The following NPAS3 variants were observed in gnomAD, a reference collection of about 807,000 sequenced individuals.
NPAS3 encodes neuronal PAS domain-containing protein 3.
A neutral mutation model predicts 73.1 loss-of-function variants in NPAS3; 14 were observed. That is an observed-to-expected ratio of 0.19 (90% CI 0.13 to 0.30). The LOEUF (loss-of-function observed/expected upper bound fraction) is 0.30. Among genes scored for constraint, NPAS3 ranks in the 10% least tolerant of loss-of-function variants. The pLI is 1.00. For synonymous variants in NPAS3, 620 were observed against 541.5 expected, an observed-to-expected ratio of 1.14 and a Z score of -2.01; for missense variants, 1,096 against 1,250.0, an observed-to-expected ratio of 0.88 and a Z score of 1.86.
chr14:33,534,229 A>C, intron 4 of NPAS3, among the ~76,000 whole-genome samples: 1 of 152,076 alleles, frequency 6.6e-6, no homozygotes, highest in Non-Finnish European at 1.5e-5. Flanking sequence ...AAAAAAAAAA[A>C]AAAAAACTCC....
intron 4 of NPAS3, among the ~76,000 whole-genome samples, chr14:33,438,237 T>C (rs2049077141): frequency 6.6e-6 from 1 of 152,224 alleles, no homozygotes; most frequent in Non-Finnish European, 1.5e-5. Context: ...ATAGAAAAGA[T>C]GACATGCATT....
At chr14:33,001,104 TTG>T (rs1212449816) in intron 1 of NPAS3, among the ~76,000 whole-genome samples, 2 of 152,100 alleles carry the variant, frequency 1.3e-5, no homozygotes, top group Non-Finnish European at 2.9e-5. Context: ...ATGGGAATCT[TTG>T]TGTGTGTGTG....
At chr14:32,991,211 G>C (rs2038320711) in intron 1 of NPAS3, among the ~76,000 whole-genome samples, 1 of 151,548 alleles carries the variant, frequency 6.6e-6, no homozygotes, top group South Asian at 2.1e-4. Flanking sequence ...CCTGCTTTAT[G>C]TTCTTGATGG....
intron 5 of NPAS3, among the ~76,000 whole-genome samples, chr14:33,575,303 G>C (rs754578019): frequency 6.6e-6 from 1 of 152,098 alleles, no homozygotes; most frequent in Non-Finnish European, 1.5e-5. Flanking sequence ...CGTATTCATT[G>C]TTCCTATTTT....
chr14:33,535,660 GA>G (rs565232217), intron 4 of NPAS3, among the ~76,000 whole-genome samples: 4 of 152,052 alleles, frequency 2.6e-5, no homozygotes, highest in Non-Finnish European at 4.4e-5. Flanking sequence ...GATTATGGAT[GA>G]TTTTTTTATA....
At chr14:33,066,200 T>C (rs189902275) in intron 2 of NPAS3, among the ~76,000 whole-genome samples, 10 of 152,226 alleles carry the variant, frequency 6.6e-5, no homozygotes, top group Admixed American at 4.6e-4. Flanking sequence ...CATCAGGTGT[T>C]CTAAGTCTTG....
At chr14:33,310,653 G>A (rs1433933424) in intron 3 of NPAS3, among the ~76,000 whole-genome samples, 1 of 152,124 alleles carries the variant, frequency 6.6e-6, no homozygotes, top group Non-Finnish European at 1.5e-5. Flanking sequence ...GTCACACAAT[G>A]CCTCACATAG....
chr14:33,713,936 C>T (rs904846123), intron 6 of NPAS3, among the ~76,000 whole-genome samples: 2 of 152,118 alleles, frequency 1.3e-5, no homozygotes, highest in Admixed American at 6.5e-5. Context: ...CATGATGTTC[C>T]TACCTCTGGA....
chr14:32,978,887 A>G (rs1253393893), intron 1 of NPAS3, among the ~76,000 whole-genome samples: 2 of 152,162 alleles, frequency 1.3e-5, no homozygotes, highest in Non-Finnish European at 2.9e-5. Context: ...CTCTAAGGTG[A>G]CACCCTTTGA....
intron 3 of NPAS3, among the ~76,000 whole-genome samples, chr14:33,338,927 C>T (rs1291499268): frequency 6.6e-6 from 1 of 152,126 alleles, no homozygotes; most frequent in East Asian, 1.9e-4. Context: ...GAAGCTCATA[C>T]ATCTTCTCTT....
At chr14:33,414,720 G>A (rs1486595350) in intron 4 of NPAS3, among the ~76,000 whole-genome samples, 2 of 152,030 alleles carry the variant, frequency 1.3e-5, no homozygotes, top group African/African-American at 4.8e-5. Context: ...TCTCAGTTAG[G>A]GCCACTTAGC....
chr14:33,555,062 C>T (rs1470903680), intron 4 of NPAS3, among the ~76,000 whole-genome samples: 3 of 149,502 alleles, frequency 2.0e-5, no homozygotes, highest in South Asian at 2.1e-4. Flanking sequence ...CCAAGCCTCA[C>T]TTCTTGCATG....
Position 33,574,831 on chromosome 14 carries a change from G to A in NPAS3, c.558+14621G>A, listed in dbSNP as rs559932573. On this transcript the variant is annotated intron_variant, in intron 5 of 11. Transcript: ENST00000356141. Reference sequence around the variant, plus strand: ...TCTTCTGCTGAGAAGTGGGGGAATGGACTTTGGAGGTGGGAGGGGGAAAGG... The same window carrying A: ...TCTTCTGCTGAGAAGTGGGGGAATGAACTTTGGAGGTGGGAGGGGGAAAGG... Among the ~76,000 whole-genome samples, 16 of 152,318 alleles carry A rather than the reference G, an allele frequency of 1.1e-4. No individual in the cohort carries two copies. In the South Asian group the frequency reaches 1.7e-3, roughly 16 times the overall value.
At chr14:33,031,767 G>T (rs2040003438) in intron 1 of NPAS3, among the ~76,000 whole-genome samples, 2 of 152,230 alleles carry the variant, frequency 1.3e-5, no homozygotes, top group South Asian at 2.1e-4. Context: ...TTCCCAAAAT[G>T]CTGGGATTAC....
chr14:33,439,125 G>T (rs1455453667), intron 4 of NPAS3, among the ~76,000 whole-genome samples: 1 of 151,902 alleles, frequency 6.6e-6, no homozygotes, highest in African/African-American at 2.4e-5. Flanking sequence ...AAAGCATTTT[G>T]CAGAAACTGT....
chr14:32,986,995 T>TGCCGGGAAGAGAGCGGTGTGCCTGG lies in NPAS3; in HGVS notation c.50+47633_50+47657dup, dbSNP rs1401891885. Among the ~76,000 whole-genome samples, 7 of 152,278 alleles carry TGCCGGGAAGAGAGCGGTGTGCCTGG rather than the reference T, an allele frequency of 4.6e-5. No homozygotes were observed. In the East Asian group the frequency reaches 1.4e-3, roughly 29 times the overall value. ...GCACTGTTTTCAGTGCAGAGGGCTT[T>TGCCGGGAAGAGAGCGGTGTGCCTGG]GCCGGGAAGAGAGCGGTGTGCCTGG... On this transcript the variant is annotated intron_variant, in intron 1 of 11. Transcript: ENST00000356141.
intron 7 of NPAS3, among the ~76,000 whole-genome samples, chr14:33,739,144 A>G (rs933952125): frequency 2.0e-5 from 3 of 152,194 alleles, no homozygotes; most frequent in African/African-American, 4.8e-5. Flanking sequence ...TGTCATGTTT[A>G]TATAATGCTC....
intron 7 of NPAS3, among the ~76,000 whole-genome samples, chr14:33,743,560 G>A (rs1396632031): frequency 6.6e-6 from 1 of 152,106 alleles, no homozygotes; most frequent in African/African-American, 2.4e-5. Flanking sequence ...AAGAGCCCTA[G>A]GATTTCCAGA....
chr14:32,981,153 G>T (rs2037881145), intron 1 of NPAS3, among the ~76,000 whole-genome samples: 1 of 152,126 alleles, frequency 6.6e-6, no homozygotes, highest in African/African-American at 2.4e-5. Flanking sequence ...TGGAGGAGCT[G>T]CTCACTTCAT....
Sources: allele counts gnomAD v4.1 joint callset (sites outside exome capture counted in the v4.1 genomes callset), GRCh38; gene constraint gnomAD v4.1.1; transcripts MANE v1.5; gene names NCBI Gene and HGNC (gene_info 2026-07-23, HGNC 2026-07-21).